Variants in MMP26 observed in about 807,000 individuals in gnomAD.
MMP26 encodes matrix metallopeptidase 26.
MMP26 carries 33 observed loss-of-function variants against 31.0 expected under a neutral mutation model. The ratio of observed to expected loss-of-function variants is 1.06; its 90% CI spans 0.81 to 1.42. MMP26 has a LOEUF of 1.42. Ranked by LOEUF, MMP26 falls within the 40% of genes most tolerant of loss-of-function variation. The pLI is 0.00. For missense variants in MMP26, 347 were observed against 316.1 expected, an observed-to-expected ratio of 1.10 and a Z score of -0.74; for synonymous variants, 122 against 114.9, an observed-to-expected ratio of 1.06 and a Z score of -0.40.
At chr11:4,718,836 G>C (rs894646936) in intron 1 of MMP26, 1 of 161,114 alleles carries the variant, frequency 6.2e-6, no homozygotes, top group Non-Finnish European at 1.4e-5. Flanking sequence ...ACCTCGGCCT[G>C]TCCATATCCA....
At chr11:4,821,135 T>C (rs2133471130) in intron 2 of MMP26, among the ~76,000 whole-genome samples, 1 of 152,310 alleles carries the variant, frequency 6.6e-6, no homozygotes, top group Non-Finnish European at 1.5e-5. Flanking sequence ...CGTGACTTAA[T>C]TGTAATGTTT....
chr11:4,804,410 C>T (rs146186541), intron 2 of MMP26: 112 of 1,494,788 alleles, frequency 7.5e-5, no homozygotes, highest in Middle Eastern at 3.4e-4. Flanking sequence ...CTGCTGGGAA[C>T]GCAATCTACT....
chr11:4,838,786 C>T (rs1164882527), intron 2 of MMP26, among the ~76,000 whole-genome samples: 2 of 151,816 alleles, frequency 1.3e-5, no homozygotes, highest in Non-Finnish European at 2.9e-5. Context: ...CAATTGTCCC[C>T]CCACCACAAG....
chr11:4,830,002 C>T (rs988991109), intron 2 of MMP26, among the ~76,000 whole-genome samples: 1 of 152,132 alleles, frequency 6.6e-6, no homozygotes, highest in African/African-American at 2.4e-5. Flanking sequence ...CTTAAGAGAG[C>T]TCATTATTAA....
At chr11:4,773,923 G>A (rs1183125106) in intron 2 of MMP26, among the ~76,000 whole-genome samples, 1 of 152,072 alleles carries the variant, frequency 6.6e-6, no homozygotes, top group Admixed American at 6.6e-5. Flanking sequence ...GTTTGCTGAG[G>A]ATAATGTCTT....
rs140331897 is a variant in MMP26, at chr11:4,916,054, C to G, written c.-144-72014C>G. On this transcript the variant is annotated intron_variant, in intron 2 of 7. Transcript: ENST00000380390. The stretch of plus-strand genomic sequence containing the variant: ...CACCCAGGGGCCAGGTGCAGTGGCT[C>G]ACGCCTGTAATCTCAGCACTTTGGG... 2.0e-5 allele frequency among the ~76,000 whole-genome samples: 3 copies of G among 152,194 alleles called. No individual in the cohort carries two copies. The East Asian group carries it at 5.8e-4, about 29-fold the overall frequency.
chr11:4,831,780 A>G (rs779976083), intron 2 of MMP26, among the ~76,000 whole-genome samples: 16 of 152,192 alleles, frequency 1.1e-4, no homozygotes, highest in Non-Finnish European at 2.4e-4. Flanking sequence ...AACACATTCC[A>G]CTTAGTTTAA....
intron 2 of MMP26, among the ~76,000 whole-genome samples, chr11:4,781,207 G>C (rs896341747): frequency 9.9e-5 from 15 of 152,168 alleles, no homozygotes; most frequent in African/African-American, 3.6e-4. Context: ...TTGTACGACT[G>C]CATAAATCTG....
At chr11:4,821,324 T>C in intron 2 of MMP26, 1 of 1,311,458 alleles carries the variant, frequency 7.6e-7, no homozygotes. Context: ...AATAACTCAG[T>C]GAATCTTGAA....
rs57324092 is a variant in MMP26, at chr11:4,709,641, C to T, written c.-217+4596C>T. 2,565 of 457,232 alleles carry T rather than the reference C, an allele frequency of 5.6e-3. 51 individuals are homozygous for T. The highest frequency in any genetic ancestry group is 0.042 in the African/African-American group (2,089 of 50,164). 28.3% of individuals were successfully genotyped at this position (457,232 alleles called of 1,614,324 possible). On this transcript the variant is annotated intron_variant, in intron 1 of 7. Transcript: ENST00000380390. ...TACTGGCATCCCTGGCCTTGAAACC[C>T]GTCAGATCTGGACCTCCATCCCATT...
At chr11:4,758,942 T>C (rs376350503) in intron 1 of MMP26, among the ~76,000 whole-genome samples, 2 of 151,234 alleles carry the variant, frequency 1.3e-5, no homozygotes, top group Non-Finnish European at 2.9e-5. Flanking sequence ...AGAAACCCCG[T>C]CTCTGCTAGA....
chr11:4,873,085 G>T (rs990250341), intron 2 of MMP26, among the ~76,000 whole-genome samples: 2 of 152,016 alleles, frequency 1.3e-5, no homozygotes, highest in African/African-American at 4.8e-5. Flanking sequence ...GTACTTAGTA[G>T]AAACTTCACA....
intron 2 of MMP26, chr11:4,946,679 A>G: frequency 6.3e-7 from 1 of 1,591,928 alleles, no homozygotes; most frequent in South Asian, 1.1e-5. Flanking sequence ...GGCAACTCTG[A>G]CAGTTGTCAG....
intron 2 of MMP26, chr11:4,946,118 A>G (rs748153566): frequency 6.5e-7 from 1 of 1,543,282 alleles, no homozygotes; most frequent in Non-Finnish European, 8.9e-7. Flanking sequence ...TACCTTAAAT[A>G]TCTTACCAGA....
intron 1 of MMP26, among the ~76,000 whole-genome samples, chr11:4,743,665 T>C (rs1223257272): frequency 2.0e-5 from 3 of 152,204 alleles, no homozygotes; most frequent in South Asian, 2.1e-4. Flanking sequence ...TTTGGACAAA[T>C]TACTTCTTTT....
At chr11:4,911,505 T>C (rs1296378488) in intron 2 of MMP26, among the ~76,000 whole-genome samples, 1 of 152,142 alleles carries the variant, frequency 6.6e-6, no homozygotes, top group Admixed American at 6.6e-5. Flanking sequence ...CTCTCAACCA[T>C]CTTCAATTCA....
chr11:4,853,645 A>G (rs1048201517), intron 2 of MMP26, among the ~76,000 whole-genome samples: 4 of 152,196 alleles, frequency 2.6e-5, no homozygotes, highest in Non-Finnish European at 5.9e-5. Context: ...GTCAATTACT[A>G]ATTAAAACTC....
In MMP26 at chr11:4,848,304, T is replaced by C. The variant is rs778409299; in HGVS notation, c.-145+80963T>C. 7 of 1,613,944 alleles carry C rather than the reference T, an allele frequency of 4.3e-6. No individual in the cohort carries two copies. In the Admixed American group the frequency reaches 6.7e-5, roughly 15 times the overall value. On this transcript the variant is annotated intron_variant, in intron 2 of 7. Coordinates refer to ENST00000380390, the MANE Select transcript of MMP26 (RefSeq NM_021801.5). The stretch of plus-strand genomic sequence containing the variant: ...TATTCTCTTTCTAATCTCCTTCATC[T>C]TGACACTATAGAGAATAGGGTTTAT...
At chr11:4,917,288 A>G (rs1851111115) in intron 2 of MMP26, among the ~76,000 whole-genome samples, 2 of 152,220 alleles carry the variant, frequency 1.3e-5, no homozygotes, top group African/African-American at 4.8e-5. Context: ...CTTAGAAAAA[A>G]TTATTTACAT....
Sources: allele counts gnomAD v4.1 joint callset (sites outside exome capture counted in the v4.1 genomes callset), GRCh38; gene constraint gnomAD v4.1.1; transcripts MANE v1.5; gene names NCBI Gene and HGNC (gene_info 2026-07-23, HGNC 2026-07-21).